Variants in SIPA1L2 observed in about 807,000 individuals in gnomAD.
SIPA1L2 encodes signal-induced proliferation-associated 1-like protein 2.
SIPA1L2 carries 56 observed loss-of-function variants against 163.9 expected under a neutral mutation model. The ratio of observed to expected loss-of-function variants is 0.34; its 90% CI spans 0.28 to 0.43. The LOEUF (loss-of-function observed/expected upper bound fraction) is 0.43. SIPA1L2 is among the 20% of genes least tolerant of loss of function. The probability of loss-of-function intolerance (pLI) is 1.00; values close to 1 mark genes in which losing one functional copy is unlikely to be tolerated. For synonymous variants in SIPA1L2, 877 were observed against 865.7 expected, an observed-to-expected ratio of 1.01 and a Z score of -0.23; for missense variants, 1,974 against 2,193.5, an observed-to-expected ratio of 0.90 and a Z score of 2.00.
At chr1:232,606,683 A>G (rs988407314) in intron 1 of SIPA1L2, among the ~76,000 whole-genome samples, 2 of 149,682 alleles carry the variant, frequency 1.3e-5, no homozygotes, top group Non-Finnish European at 3.0e-5. Context: ...CCTGAAACTA[A>G]TTTCAATGCC....
intron 1 of SIPA1L2, among the ~76,000 whole-genome samples, chr1:232,574,976 C>T (rs911148445): frequency 1.3e-5 from 2 of 152,170 alleles, no homozygotes; most frequent in African/African-American, 4.8e-5. Context: ...TGGTTATTTG[C>T]CCCAGGCGAA....
At chr1:232,612,291 C>T (rs183791715) in intron 1 of SIPA1L2, among the ~76,000 whole-genome samples, 11 of 152,340 alleles carry the variant, frequency 7.2e-5, no homozygotes, top group Admixed American at 5.9e-4. Flanking sequence ...CACACAGAGT[C>T]CCTACTGGGG....
chr1:232,487,856 T>G (rs1037196061), intron 5 of SIPA1L2, among the ~76,000 whole-genome samples: 4 of 151,538 alleles, frequency 2.6e-5, no homozygotes, highest in African/African-American at 9.7e-5. Flanking sequence ...AGTGGTTACA[T>G]GACAAACCAG....
intron 10 of SIPA1L2, among the ~76,000 whole-genome samples, chr1:232,446,417 T>G (rs1663221840): frequency 6.6e-6 from 1 of 152,166 alleles, no homozygotes; most frequent in African/African-American, 2.4e-5. Context: ...GAAATGTCCA[T>G]TATCTTGTTT....
chr1:232,479,848 A>C, intron 6 of SIPA1L2, 118 bp from the exon 7 acceptor site: 1 of 749,394 alleles, frequency 1.3e-6, no homozygotes, highest in Non-Finnish European at 2.2e-6. Context: ...CTACCCAACC[A>C]GTATCTGGAT....
intron 3 of SIPA1L2, among the ~76,000 whole-genome samples, chr1:232,496,236 A>ATACT (rs59454392): frequency 5.3e-5 from 8 of 152,110 alleles, no homozygotes; most frequent in African/African-American, 1.9e-4. Context: ...AGATACAAAA[A>ATACT]TACTTACCAC....
At chr1:232,469,917 C>T (rs1404671352) in intron 8 of SIPA1L2, among the ~76,000 whole-genome samples, 3 of 151,390 alleles carry the variant, frequency 2.0e-5, no homozygotes, top group Non-Finnish European at 4.4e-5. Flanking sequence ...CCTATCTTTA[C>T]AATTTTTTGT....
At chr1:232,573,283 A>G (rs2039491) in intron 2 of SIPA1L2, among the ~76,000 whole-genome samples, 13,747 of 152,232 alleles carry the variant, frequency 0.09, 670 homozygotes, top group South Asian at 0.11. Context: ...TGGGATACAA[A>G]TAATAGATTT....
At chr1:232,573,608 T>C (rs1398590557) in intron 2 of SIPA1L2, among the ~76,000 whole-genome samples, 2 of 152,200 alleles carry the variant, frequency 1.3e-5, no homozygotes, top group African/African-American at 2.4e-5. Flanking sequence ...AAATGCAGTA[T>C]TTGTGCACAC....
intron 3 of SIPA1L2, among the ~76,000 whole-genome samples, chr1:232,501,050 A>ATTTTTGTTTTTTTTTTT (rs1666447020): frequency 1.3e-5 from 1 of 78,450 alleles, no homozygotes; most frequent in African/African-American, 4.8e-5. Context: ...GCAATGAAGT[A>ATTTTTGTTTTTTTTTTT]TTTTTTTTTT....
chr1:232,550,289 A>G (rs1450818756), intron 2 of SIPA1L2, among the ~76,000 whole-genome samples: 1 of 152,188 alleles, frequency 6.6e-6, no homozygotes, highest in South Asian at 2.1e-4. Flanking sequence ...TATCAAGTCA[A>G]ATATTTGCAT....
chr1:232,428,350 C>CGT, intron 17 of SIPA1L2, 61 bp downstream of exon 17: 1 of 837,804 alleles, frequency 1.2e-6, no homozygotes, highest in Non-Finnish European at 1.6e-6. Flanking sequence ...TTTCTTTAGA[C>CGT]TTTTTTTTTT....
intron 2 of SIPA1L2, among the ~76,000 whole-genome samples, chr1:232,529,881 C>T (rs1447509059): frequency 6.6e-6 from 1 of 152,190 alleles, no homozygotes; most frequent in Admixed American, 6.5e-5. Flanking sequence ...CTCTTGAGCA[C>T]GGCCCCACCT....
intron 2 of SIPA1L2, among the ~76,000 whole-genome samples, chr1:232,550,797 T>C (rs1259566082): frequency 6.6e-6 from 1 of 152,200 alleles, no homozygotes; most frequent in East Asian, 1.9e-4. Context: ...AAAGTCCTCT[T>C]TCCAAACTGT....
At chr1:232,451,221 C>T (rs1663556131) in intron 10 of SIPA1L2, among the ~76,000 whole-genome samples, 1 of 152,090 alleles carries the variant, frequency 6.6e-6, no homozygotes, top group Admixed American at 6.5e-5. Flanking sequence ...AGGATGCATA[C>T]AGAAAATTCA....
At chr1:232,595,595 C>T (rs920097108) in intron 1 of SIPA1L2, among the ~76,000 whole-genome samples, 1 of 152,146 alleles carries the variant, frequency 6.6e-6, no homozygotes, top group African/African-American at 2.4e-5. Flanking sequence ...AAACTCTGCT[C>T]TGGGTCTGCA....
chr1:232,595,866 C>T (rs1013772040), intron 1 of SIPA1L2, among the ~76,000 whole-genome samples: 1 of 152,148 alleles, frequency 6.6e-6, no homozygotes, highest in Admixed American at 6.5e-5. Context: ...TGGAAATCAT[C>T]TTTCTAATGC....
At chr1:232,550,155 G>A (rs1460015782) in intron 2 of SIPA1L2, among the ~76,000 whole-genome samples, 1 of 152,160 alleles carries the variant, frequency 6.6e-6, no homozygotes, top group African/African-American at 2.4e-5. Context: ...TACTTCATTA[G>A]TTTACCAAAT....
intron 1 of SIPA1L2, among the ~76,000 whole-genome samples, chr1:232,595,925 T>C (rs969526145): frequency 2.0e-5 from 3 of 152,174 alleles, no homozygotes; most frequent in African/African-American, 4.8e-5. Context: ...AATGAAAATA[T>C]TGCTTTCCAC....
Sources: allele counts gnomAD v4.1 joint callset (sites outside exome capture counted in the v4.1 genomes callset), GRCh38; gene constraint gnomAD v4.1.1; transcripts MANE v1.5; gene names NCBI Gene and HGNC (gene_info 2026-07-23, HGNC 2026-07-21).